Variants in PHYHIPL observed in about 807,000 individuals in gnomAD.
PHYHIPL encodes the protein phytanoyl-CoA 2-hydroxylase interacting protein like, also known as phytanoyl-CoA hydroxylase-interacting protein-like.
Under a neutral mutation model 33.4 loss-of-function variants are expected in PHYHIPL, and 9 were observed. The observed-to-expected ratio is 0.27, with a 90% CI of 0.16 to 0.47. The LOEUF (loss-of-function observed/expected upper bound fraction) is 0.47. Ranked by LOEUF, PHYHIPL falls within the 20% of genes least tolerant of loss-of-function variation. PHYHIPL has a pLI of 0.99. For missense variants in PHYHIPL, 365 were observed against 460.7 expected (o/e 0.79, Z 1.90); for synonymous variants, 153 against 154.1 (o/e 0.99, Z 0.05).
At chr10:59,237,421 A>G (rs1281185842) in intron 3 of PHYHIPL, among the ~76,000 whole-genome samples, 1 of 151,930 alleles carries the variant, frequency 6.6e-6, no homozygotes, top group Non-Finnish European at 1.5e-5. Context: ...TCTTTTAGAA[A>G]GAAACTTTGT....
intron 1 of PHYHIPL, among the ~76,000 whole-genome samples, chr10:59,227,622 A>G (rs1839960918): frequency 6.6e-6 from 1 of 152,206 alleles, no homozygotes; most frequent in African/African-American, 2.4e-5. Flanking sequence ...ATAACTCTCA[A>G]GTACATATAC....
At chr10:59,176,324 A>G (rs1838247938), upstream of PHYHIPL, among the ~76,000 whole-genome samples, 1 of 152,032 alleles carries the variant, frequency 6.6e-6, no homozygotes, top group African/African-American at 2.4e-5. Context: ...AGGCACCGAG[A>G]GCAGACAGAA....
At chr10:59,236,948 T>C (rs905281048) in intron 3 of PHYHIPL, among the ~76,000 whole-genome samples, 2 of 151,770 alleles carry the variant, frequency 1.3e-5, no homozygotes, top group Non-Finnish European at 2.9e-5. Context: ...TTTGAAAATA[T>C]ACTCAGCATA....
At chr10:59,206,136 T>C (rs1490788921) in intron 1 of PHYHIPL, among the ~76,000 whole-genome samples, 3 of 152,220 alleles carry the variant, frequency 2.0e-5, no homozygotes, top group African/African-American at 7.2e-5. Context: ...TCCCTTATTT[T>C]CTTGCCCAAA....
At chr10:59,241,799 T>G (rs1840405386) in intron 4 of PHYHIPL, among the ~76,000 whole-genome samples, 1 of 152,050 alleles carries the variant, frequency 6.6e-6, no homozygotes, top group Non-Finnish European at 1.5e-5. Flanking sequence ...TACTCTTCAC[T>G]CAAGAAACAG....
chr10:59,180,013 A>G (rs1018143385), intron 1 of PHYHIPL, among the ~76,000 whole-genome samples: 10 of 151,814 alleles, frequency 6.6e-5, no homozygotes, highest in Non-Finnish European at 4.4e-5. Context: ...GTAGAAGAGT[A>G]TTTTTGTTTC....
chr10:59,176,290 C>A (rs2133166903), upstream of PHYHIPL, among the ~76,000 whole-genome samples: 1 of 152,350 alleles, frequency 6.6e-6, no homozygotes, highest in East Asian at 1.9e-4. Context: ...GTGCAGACGC[C>A]TCAGGGCCAA....
At position 59,234,439 on chromosome 10, in the gene PHYHIPL, C is replaced by T; in HGVS notation, c.242C>T (p.Thr81Ile). ...EMDSKSKDRI[T>I]HYFIDLNKKE... is the part of the protein sequence containing the mutation. Reference sequence around the variant, plus strand: ...GATTCAAAATCAAAGGATCGCATTACACACTATTTTATTGACCTCAACAAG... The same window carrying T: ...GATTCAAAATCAAAGGATCGCATTATACACTATTTTATTGACCTCAACAAG... The change falls in exon 2 of 5, where the codon ACA becomes ATA. Residue 81 changes from threonine to isoleucine, a missense_variant. This residue lies in a region of PHYHIPL where 63 missense variants were observed against 119.3 expected (regional missense o/e 0.53). Transcript: ENST00000373880. The T allele has an allele frequency of 6.3e-7, 1 of 1,598,462 alleles. No homozygotes were observed. Among genetic ancestry groups the T allele is most frequent in the Non-Finnish European group, 8.5e-7 (1 of 1,174,850 alleles).
At chr10:59,174,651 C>T (rs926137057), upstream of PHYHIPL, among the ~76,000 whole-genome samples, 3 of 152,138 alleles carry the variant, frequency 2.0e-5, no homozygotes, top group Non-Finnish European at 2.9e-5. Context: ...TTACCCTTTC[C>T]GATTACACAA....
intron 1 of PHYHIPL, among the ~76,000 whole-genome samples, chr10:59,179,635 A>C (rs1476558444): frequency 6.6e-6 from 1 of 152,170 alleles, no homozygotes; most frequent in East Asian, 1.9e-4. Flanking sequence ...GCTGGTGAAC[A>C]TAACTGTATA....
intron 1 of PHYHIPL, among the ~76,000 whole-genome samples, chr10:59,233,519 T>C (rs939789670): frequency 2.6e-5 from 4 of 151,804 alleles, no homozygotes; most frequent in Non-Finnish European, 5.9e-5. Flanking sequence ...GATTCTAATA[T>C]GTCTTTCCTA....
At chr10:59,236,405 T>A in intron 2 of PHYHIPL, 78 bp from the exon 3 acceptor site, 3 of 785,798 alleles carry the variant, frequency 3.8e-6, no homozygotes, top group Non-Finnish European at 5.4e-6. Flanking sequence ...CCCTTCTCCC[T>A]TTTCTTCTTT....
intron 1 of PHYHIPL, among the ~76,000 whole-genome samples, chr10:59,230,370 C>T (rs1472106872): frequency 2.0e-5 from 3 of 151,946 alleles, no homozygotes; most frequent in East Asian, 1.9e-4. Flanking sequence ...TGTGCCACCA[C>T]ATCTGGCTAA....
intron 1 of PHYHIPL, among the ~76,000 whole-genome samples, chr10:59,179,641 G>A (rs1589253870): frequency 6.6e-6 from 1 of 152,070 alleles, no homozygotes; most frequent in African/African-American, 2.4e-5. Flanking sequence ...GAACATAACT[G>A]TATATCTCTC....
chr10:59,187,791 T>C (rs1838655886), intron 1 of PHYHIPL, among the ~76,000 whole-genome samples: 1 of 152,238 alleles, frequency 6.6e-6, no homozygotes, highest in South Asian at 2.1e-4. Context: ...AGTTTGTATT[T>C]CTGTGGGATC....
chr10:59,228,575 A>G (rs2133273883), intron 1 of PHYHIPL, among the ~76,000 whole-genome samples: 1 of 152,266 alleles, frequency 6.6e-6, no homozygotes, highest in South Asian at 2.1e-4. Context: ...TGACTTTGTA[A>G]TGGAAGTTAT....
chr10:59,239,683 T>C (rs531706725), intron 4 of PHYHIPL, among the ~76,000 whole-genome samples: 7 of 152,212 alleles, frequency 4.6e-5, no homozygotes, highest in Admixed American at 4.6e-4. Flanking sequence ...GTAGTTTTTA[T>C]ATTTACAGCA....
chr10:59,204,614 G>T (rs1342610223), intron 1 of PHYHIPL, among the ~76,000 whole-genome samples: 1 of 152,084 alleles, frequency 6.6e-6, no homozygotes, highest in Non-Finnish European at 1.5e-5. Flanking sequence ...GTTCCCTTTT[G>T]TGTGTATGTC....
intron 1 of PHYHIPL, among the ~76,000 whole-genome samples, chr10:59,194,322 T>C (rs1027997149): frequency 2.6e-5 from 4 of 152,172 alleles, no homozygotes; most frequent in Non-Finnish European, 2.9e-5. Flanking sequence ...TTTCCTTTGC[T>C]ACCCTCATAA....
Sources: gnomAD v4.1 joint callset for allele counts (sites outside exome capture counted in the v4.1 genomes callset) on GRCh38, gnomAD v4.1.1 for gene constraint, gnomAD v4.1.1 regional missense constraint, MANE v1.5 for transcripts, NCBI Gene and HGNC (gene_info 2026-07-23, HGNC 2026-07-21) for gene names.